DYM: variants seen among roughly 807,000 people sequenced by gnomAD.
DYM encodes dymeclin.
DYM carries 78 observed loss-of-function variants against 93.1 expected under a neutral mutation model. That is an observed-to-expected ratio of 0.84 (90% confidence interval 0.70 to 1.01). The LOEUF is 1.01. Ranked by LOEUF, DYM falls within the 50% of genes least tolerant of loss-of-function variation. DYM has a pLI of 0.00. For missense variants in DYM, 789 were observed against 845.0 expected, an observed-to-expected ratio of 0.93 and a Z score of 0.82; for synonymous variants, 321 against 319.7, an observed-to-expected ratio of 1.00 and a Z score of -0.04.
intron 14 of DYM, among the ~76,000 whole-genome samples, chr18:49,175,085 A>G (rs926675145): frequency 6.6e-6 from 1 of 152,184 alleles, no homozygotes; most frequent in Admixed American, 6.6e-5. Context: ...GTTTGCTTCA[A>G]TATGCGGCTT....
intron 14 of DYM, among the ~76,000 whole-genome samples, chr18:49,205,586 C>T (rs2092432478): frequency 1.3e-5 from 2 of 151,960 alleles, no homozygotes; most frequent in South Asian, 2.1e-4. Context: ...TATCAATCAT[C>T]CAAGAAGATA....
chr18:49,249,015 C>G (rs1278760290), intron 13 of DYM, among the ~76,000 whole-genome samples: 1 of 152,158 alleles, frequency 6.6e-6, no homozygotes, highest in African/African-American at 2.4e-5. Flanking sequence ...GAATGACCAC[C>G]AAGGGCACGG....
At chr18:49,181,303 T>C (rs575795979) in intron 14 of DYM, among the ~76,000 whole-genome samples, 1 of 152,320 alleles carries the variant, frequency 6.6e-6, no homozygotes, top group East Asian at 1.9e-4. Flanking sequence ...TATATTTATA[T>C]GCCAATGAAA....
chr18:49,269,197 ATG>A (rs756881550), intron 11 of DYM, among the ~76,000 whole-genome samples: 19 of 152,184 alleles, frequency 1.2e-4, no homozygotes, highest in Non-Finnish European at 2.5e-4. Context: ...GTATATGAAA[ATG>A]TGCTCAAAAT....
rs187808393 is a variant in DYM, at chr18:49,084,211, T to C, written c.2025+13191A>G. 3.0e-4 allele frequency among the ~76,000 whole-genome samples: 46 copies of C among 152,314 alleles called. 1 individual carries two copies. The highest frequency in any genetic ancestry group is 1.1e-3 in the African/African-American group (45 of 41,584). ...TCATTTAGTTCAAACTGTCTTTAAA[T>C]TTTCCTTATGACCTATTAAAAGTAT... On this transcript the variant is annotated intron_variant, in intron 17 of 17. Coordinates refer to ENST00000675505, the MANE Select transcript of DYM (RefSeq NM_001353214.3).
chr18:49,127,334 A>T (rs149818884), intron 15 of DYM, among the ~76,000 whole-genome samples: 3 of 152,342 alleles, frequency 2.0e-5, no homozygotes, highest in East Asian at 1.9e-4. Context: ...TTTCATATCA[A>T]ATAGAGAAGT....
At chr18:49,157,139 G>A (rs879589038) in intron 15 of DYM, among the ~76,000 whole-genome samples, 18 of 152,124 alleles carry the variant, frequency 1.2e-4, no homozygotes, top group Admixed American at 1.2e-3. Flanking sequence ...GGTACACGCT[G>A]TGATGTCAAG....
At chr18:49,145,133 ATAATT>A (rs2084967050) in intron 15 of DYM, among the ~76,000 whole-genome samples, 1 of 118,492 alleles carries the variant, frequency 8.4e-6, no homozygotes, top group Admixed American at 8.9e-5. Context: ...ATATATATAT[ATAATT>A]TATATATATA....
chr18:49,128,818 G>C (rs1474825939), intron 15 of DYM, among the ~76,000 whole-genome samples: 1 of 152,066 alleles, frequency 6.6e-6, no homozygotes, highest in Admixed American at 6.6e-5. Flanking sequence ...TTGGTTTTTA[G>C]AAGAAGAAGA....
At chr18:49,054,862 C>T (rs545244704) in intron 17 of DYM, among the ~76,000 whole-genome samples, 5 of 152,154 alleles carry the variant, frequency 3.3e-5, no homozygotes, top group Non-Finnish European at 4.4e-5. Context: ...AAAGACTCTT[C>T]GGGAAAACAT....
intron 17 of DYM, among the ~76,000 whole-genome samples, chr18:49,096,032 A>G (rs1880734845): frequency 6.6e-6 from 1 of 152,190 alleles, no homozygotes. Flanking sequence ...TAAATTTGAA[A>G]TAGTTCAAAA....
At chr18:49,201,565 T>C (rs72925817) in intron 14 of DYM, among the ~76,000 whole-genome samples, 6,976 of 152,270 alleles carry the variant, frequency 0.046, 217 homozygotes, top group Non-Finnish European at 0.068. Flanking sequence ...ATACATGAAA[T>C]GGCCTGGCCT....
intron 17 of DYM, among the ~76,000 whole-genome samples, chr18:49,086,386 TC>T (rs1170972014): frequency 1.3e-5 from 2 of 152,114 alleles, no homozygotes; most frequent in Admixed American, 1.3e-4. Context: ...TACCCATTAA[TC>T]CATTAGCCGT....
intron 17 of DYM, among the ~76,000 whole-genome samples, chr18:49,065,250 C>T (rs1246675963): frequency 6.6e-6 from 1 of 152,158 alleles, no homozygotes; most frequent in African/African-American, 2.4e-5. Context: ...TTTTCCCATT[C>T]CTATTTGCTT....
chr18:49,239,644 CAAG>C (rs1207612392), intron 13 of DYM, among the ~76,000 whole-genome samples: 6 of 152,200 alleles, frequency 3.9e-5, no homozygotes, highest in African/African-American at 1.2e-4. Flanking sequence ...AGCAAGGTCA[CAAG>C]AAGAAGAACT....
At position 49,145,108 on chromosome 18, in the gene DYM, CATATATAT is replaced by C. The variant is rs56212722; in HGVS notation, c.1728+18569_1728+18576del. Among the ~76,000 whole-genome samples, 13 of 18,754 alleles carry C rather than the reference CATATATAT, an allele frequency of 6.9e-4. 2 individuals carry two copies. The highest frequency in any genetic ancestry group is 5.4e-3 in the East Asian group (7 of 1,298). The allele number at this position is 18,754 out of a possible 152,430, so 12.3% of individuals were successfully genotyped here. On this transcript the variant is annotated intron_variant, in intron 15 of 17. Transcript: ENST00000675505. ...TGCAAGATCCCGTCTCAAAAAAATTCATATATATATATATATATATATATATAATTTAT... is the reference window on the plus strand; with the variant it reads ...TGCAAGATCCCGTCTCAAAAAAATTCATATATATATATATATATAATTTAT...
At chr18:49,140,506 CT>C (rs1407599008) in intron 15 of DYM, among the ~76,000 whole-genome samples, 15 of 152,190 alleles carry the variant, frequency 9.9e-5, no homozygotes, top group African/African-American at 3.4e-4. Flanking sequence ...TACACTTTGA[CT>C]TTAGTATTTT....
Position 49,176,453 on chromosome 18 carries a change from C to G in DYM, c.1626-12666G>C, listed in dbSNP as rs181415397. ...AGAAACAGGGTCTCATTCTGTTGAC[C>G]AGGCTAGAGTACAGTGGTGCAATCA... On this transcript the variant is annotated intron_variant, in intron 14 of 17. Coordinates refer to ENST00000675505, the MANE Select transcript of DYM (RefSeq NM_001353214.3). 1.5e-4 allele frequency among the ~76,000 whole-genome samples: 23 copies of G among 151,666 alleles called. No homozygotes were observed. The East Asian group carries it at 4.5e-3, about 29-fold the overall frequency.
intron 2 of DYM, among the ~76,000 whole-genome samples, chr18:49,429,292 T>TA (rs1172155683): frequency 1.3e-5 from 2 of 152,258 alleles, no homozygotes; most frequent in African/African-American, 4.8e-5. Flanking sequence ...TGCCTTTTGC[T>TA]ACTTTAATTC....
Sources: allele counts gnomAD v4.1 joint callset (sites outside exome capture counted in the v4.1 genomes callset), GRCh38; gene constraint gnomAD v4.1.1; transcripts MANE v1.5; gene names NCBI Gene and HGNC (gene_info 2026-07-23, HGNC 2026-07-21).